The following NCOA2 variants were observed in gnomAD, a reference collection of about 807,000 sequenced individuals.
The protein encoded by NCOA2 is nuclear receptor coactivator 2, also known as class E basic helix-loop-helix protein 75.
Under a neutral mutation model 145.1 loss-of-function variants are expected in NCOA2, and 21 were observed. The ratio of observed to expected loss-of-function variants is 0.14; its 90% CI spans 0.10 to 0.21. NCOA2 has a LOEUF of 0.21. Ranked by LOEUF, NCOA2 falls within the 10% of genes least tolerant of loss-of-function variation. NCOA2 has a pLI of 1.00. For missense variants in NCOA2, 1,472 were observed against 1,837.6 expected (o/e 0.80, Z 3.64); for synonymous variants, 619 against 637.5 (o/e 0.97, Z 0.44).
chr8:70,446,425 A>T, the NCOA2 span, among the ~76,000 whole-genome samples: 1 of 151,948 alleles, frequency 6.6e-6, no homozygotes, highest in Non-Finnish European at 1.5e-5. Context: ...CATTCACAAA[A>T]ACCCTCCCAT....
chr8:70,251,325 G>GAGA (rs1823155283), intron 2 of NCOA2, among the ~76,000 whole-genome samples: 1 of 152,174 alleles, frequency 6.6e-6, no homozygotes. Flanking sequence ...GAGGGCTGAG[G>GAGA]AGAAGGACTA....
At chr8:70,258,822 GATT>G (rs752227263) in intron 2 of NCOA2, among the ~76,000 whole-genome samples, 2 of 152,158 alleles carry the variant, frequency 1.3e-5, no homozygotes, top group Admixed American at 6.5e-5. Flanking sequence ...GATTAAACAT[GATT>G]ATATTAACCA....
intron 1 of NCOA2, among the ~76,000 whole-genome samples, chr8:70,344,943 A>T (rs947159745): frequency 2.0e-5 from 3 of 152,226 alleles, no homozygotes; most frequent in African/African-American, 7.2e-5. Context: ...GTTGACGCCC[A>T]AACTGCAGTT....
chr8:70,452,405 G>A, the NCOA2 span, among the ~76,000 whole-genome samples: 4 of 152,178 alleles, frequency 2.6e-5, no homozygotes, highest in African/African-American at 7.2e-5. Flanking sequence ...TCACACCCAT[G>A]AGGATAACTA....
chr8:70,241,674 G>A (rs1302843232), intron 2 of NCOA2, among the ~76,000 whole-genome samples: 2 of 151,994 alleles, frequency 1.3e-5, no homozygotes, highest in African/African-American at 2.4e-5. Flanking sequence ...GACTCTCAAG[G>A]CAAACTACCT....
chr8:70,379,011 T>C (rs1014900520), intron 1 of NCOA2, among the ~76,000 whole-genome samples: 2 of 152,166 alleles, frequency 1.3e-5, no homozygotes, highest in African/African-American at 2.4e-5. Flanking sequence ...TTAATCTCTA[T>C]GCTTGATGCC....
At chr8:70,199,477 G>A (rs1008772157) in intron 4 of NCOA2, among the ~76,000 whole-genome samples, 69 of 149,518 alleles carry the variant, frequency 4.6e-4, no homozygotes, top group Non-Finnish European at 8.0e-4. Context: ...AAAAAGTAGA[G>A]AGGGATGGTC....
intron 2 of NCOA2, among the ~76,000 whole-genome samples, chr8:70,230,545 C>T (rs1821042048): frequency 6.6e-6 from 1 of 152,106 alleles, no homozygotes; most frequent in African/African-American, 2.4e-5. Flanking sequence ...CAACACTGTG[C>T]AACAGATAAA....
chr8:70,140,924 T>A (rs1388114766), intron 14 of NCOA2, among the ~76,000 whole-genome samples: 3 of 152,098 alleles, frequency 2.0e-5, no homozygotes, highest in Non-Finnish European at 4.4e-5. Flanking sequence ...TGTGACATTA[T>A]AATTCATTTC....
At chr8:70,450,260 T>C in the NCOA2 span, among the ~76,000 whole-genome samples, 1 of 152,326 alleles carries the variant, frequency 6.6e-6, no homozygotes, top group East Asian at 1.9e-4. Flanking sequence ...TGTGATAGTA[T>C]CAGAAGGTGG....
At chr8:70,309,329 AC>A (rs1828126694) in intron 1 of NCOA2, among the ~76,000 whole-genome samples, 1 of 152,048 alleles carries the variant, frequency 6.6e-6, no homozygotes. Context: ...GATCACCAGA[AC>A]AAAAATGAAT....
chr8:70,358,707 A>G (rs1809957493), intron 1 of NCOA2, among the ~76,000 whole-genome samples: 1 of 152,250 alleles, frequency 6.6e-6, no homozygotes, highest in East Asian at 1.9e-4. Context: ...CTTGGCACTA[A>G]AAGCAAAAGC....
chr8:70,429,963 CT>C, the NCOA2 span, among the ~76,000 whole-genome samples: 13 of 152,194 alleles, frequency 8.5e-5, no homozygotes, highest in Non-Finnish European at 1.8e-4. Context: ...AGCGATCCCC[CT>C]GTCTCAGCCT....
intron 13 of NCOA2, 91 bp downstream of exon 13, chr8:70,144,551 C>T: frequency 9.6e-7 from 1 of 1,042,404 alleles, no homozygotes; most frequent in Non-Finnish European, 1.4e-6. Flanking sequence ...ATAAAAAGTT[C>T]ACTTGAAAAA....
chr8:70,170,547 T>C (rs748966347), intron 5 of NCOA2, among the ~76,000 whole-genome samples, 168 bp from the exon 6 acceptor site: 18 of 152,218 alleles, frequency 1.2e-4, no homozygotes, highest in Non-Finnish European at 2.5e-4. Context: ...CATTTTCTCT[T>C]GGTGAAATAG....
At chr8:70,172,377 A>C (rs1814354843) in intron 5 of NCOA2, among the ~76,000 whole-genome samples, 1 of 152,228 alleles carries the variant, frequency 6.6e-6, no homozygotes, top group South Asian at 2.1e-4. Flanking sequence ...TATGTTATTA[A>C]ACAGGCTCCT....
At chr8:70,393,999 T>C (rs914914197) in intron 1 of NCOA2, among the ~76,000 whole-genome samples, 1 of 152,216 alleles carries the variant, frequency 6.6e-6, no homozygotes, top group Non-Finnish European at 1.5e-5. Context: ...TTCCATTCTA[T>C]TAGGATCGTT....
the NCOA2 span, among the ~76,000 whole-genome samples, chr8:70,451,301 G>A: frequency 2.1e-5 from 3 of 144,658 alleles, no homozygotes; most frequent in Non-Finnish European, 4.5e-5. Context: ...CCAGCTAGTC[G>A]GGAGGCTAAG....
In NCOA2 at chr8:70,273,123, C is replaced by T. The variant is rs377266878; in HGVS notation, c.-20+23621G>A. ...CAATGGATGAAACAATGAATCAGTA[C>T]CTATTTATATGCTGCCAAGGCACAC... On this transcript the variant is annotated intron_variant, in intron 2 of 22. Coordinates refer to ENST00000452400, the MANE Select transcript of NCOA2 (RefSeq NM_006540.4). Among the ~76,000 whole-genome samples the T allele has an allele frequency of 5.3e-5, 8 of 152,092 alleles. No homozygotes were observed. The East Asian group carries it at 1.5e-3, about 29-fold the overall frequency.
Sources: gnomAD v4.1 joint callset for allele counts (sites outside exome capture counted in the v4.1 genomes callset) on GRCh38, gnomAD v4.1.1 for gene constraint, MANE v1.5 for transcripts, NCBI Gene and HGNC (gene_info 2026-07-23, HGNC 2026-07-21) for gene names.